The following METTL24 variants were observed in gnomAD, a reference collection of about 807,000 sequenced individuals.
The protein encoded by METTL24 is probable methyltransferase-like protein 24.
METTL24 carries 29 observed loss-of-function variants against 32.7 expected under a neutral mutation model. The ratio of observed to expected loss-of-function variants is 0.89; its 90% CI spans 0.66 to 1.21. The LOEUF is 1.21. Among genes scored for constraint, METTL24 ranks in the 50% most tolerant of loss-of-function variants. The probability of loss-of-function intolerance (pLI) is 0.00; values close to 1 mark genes in which losing one functional copy is unlikely to be tolerated. For missense variants in METTL24, 439 were observed against 468.1 expected (o/e 0.94, Z 0.57); for synonymous variants, 163 against 179.5 (o/e 0.91, Z 0.73).
At chr6:110,314,101 C>T (rs992390793) in intron 3 of METTL24, among the ~76,000 whole-genome samples, 9 of 152,094 alleles carry the variant, frequency 5.9e-5, no homozygotes, top group Middle Eastern at 3.2e-3. Context: ...GCCCCTAACC[C>T]TGACCACCTA....
chr6:110,261,504 C>A (rs1004902742), intron 4 of METTL24, among the ~76,000 whole-genome samples: 3 of 152,134 alleles, frequency 2.0e-5, no homozygotes, highest in East Asian at 1.9e-4. Context: ...TAGACTCCCA[C>A]ACAATAATAA....
At chr6:110,309,684 T>C (rs937358985) in intron 3 of METTL24, among the ~76,000 whole-genome samples, 1 of 152,144 alleles carries the variant, frequency 6.6e-6, no homozygotes, top group Middle Eastern at 3.2e-3. Context: ...AGATCTCTTA[T>C]TCACTGTCAC....
At chr6:110,280,404 G>A (rs79544137) in intron 4 of METTL24, among the ~76,000 whole-genome samples, 2,272 of 152,056 alleles carry the variant, frequency 0.015, 62 homozygotes, top group African/African-American at 0.051. Flanking sequence ...GTATTCAATC[G>A]CATGGGTTTT....
intron 4 of METTL24, among the ~76,000 whole-genome samples, chr6:110,261,145 C>T (rs983990521): frequency 9.9e-5 from 15 of 152,060 alleles, no homozygotes; most frequent in South Asian, 2.1e-4. Context: ...ATGGACTAAA[C>T]GCTCCAATTA....
chr6:110,258,493 T>C (rs1346878480), intron 4 of METTL24, among the ~76,000 whole-genome samples: 1 of 152,094 alleles, frequency 6.6e-6, no homozygotes, highest in African/African-American at 2.4e-5. Context: ...ACTTGGCAGG[T>C]GCTCAAAAAT....
intron 1 of METTL24, among the ~76,000 whole-genome samples, chr6:110,343,612 G>A (rs141024688): frequency 8.5e-4 from 130 of 152,338 alleles, no homozygotes; most frequent in African/African-American, 3.0e-3. Context: ...CTAGAGTCAG[G>A]TAGGGAGTAG....
In METTL24 at chr6:110,249,433, A is replaced by AC. The variant is rs1778232021; in HGVS notation, c.787-3174_787-3173insG. ...TAAGTTGATCTAAATCATGCAGCCC[A>AC]GGGGGAGCACAGAAGCTCTTCTCTG... On this transcript the variant is annotated intron_variant, in intron 4 of 4. Transcript: ENST00000338882. Among the ~76,000 whole-genome samples, 3 of 83,406 alleles carry AC rather than the reference A, an allele frequency of 3.6e-5. No individual in the cohort carries two copies. The African/African-American group carries it at 3.7e-4, about 10-fold the overall frequency. 54.7% of individuals were successfully genotyped at this position (83,406 alleles called of 152,430 possible).
chr6:110,357,251 C>T (rs545674239), intron 1 of METTL24: 1 of 152,288 alleles, frequency 6.6e-6, no homozygotes, highest in African/African-American at 2.4e-5. Flanking sequence ...TAAAAATGGA[C>T]TAATCAGTGA....
intron 1 of METTL24, among the ~76,000 whole-genome samples, chr6:110,338,872 C>T (rs1232990751): frequency 1.3e-5 from 2 of 152,082 alleles, no homozygotes; most frequent in African/African-American, 2.4e-5. Context: ...TTGCAACTAT[C>T]GATATTTGTT....
At chr6:110,273,152 G>A (rs1336716854) in intron 4 of METTL24, among the ~76,000 whole-genome samples, 2 of 152,092 alleles carry the variant, frequency 1.3e-5, no homozygotes, top group Non-Finnish European at 2.9e-5. Flanking sequence ...TAAGGTGAGA[G>A]ATGAGGATCC....
intron 1 of METTL24, among the ~76,000 whole-genome samples, chr6:110,340,470 C>A (rs1772333153): frequency 1.3e-5 from 2 of 152,142 alleles, no homozygotes; most frequent in Admixed American, 1.3e-4. Flanking sequence ...CTCATGCCTC[C>A]CTGCCAGAGT....
chr6:110,279,501 C>A (rs1771102797), intron 4 of METTL24, among the ~76,000 whole-genome samples: 1 of 152,026 alleles, frequency 6.6e-6, no homozygotes, highest in Admixed American at 6.6e-5. Context: ...AAGACTGTAC[C>A]GTTTATGGTA....
chr6:110,296,255 GA>G (rs1771417982), intron 4 of METTL24, among the ~76,000 whole-genome samples: 2 of 152,146 alleles, frequency 1.3e-5, no homozygotes, highest in African/African-American at 4.8e-5. Context: ...AAAGACTTTA[GA>G]AAAAAACTAT....
At chr6:110,328,225 G>A (rs1053832357) in intron 1 of METTL24, among the ~76,000 whole-genome samples, 22 of 151,980 alleles carry the variant, frequency 1.4e-4, no homozygotes, top group Non-Finnish European at 2.9e-4. Context: ...ATTTCTCAGG[G>A]CAGGCGTGGT....
At chr6:110,249,843 A>T (rs1378386710) in intron 4 of METTL24, among the ~76,000 whole-genome samples, 3 of 152,036 alleles carry the variant, frequency 2.0e-5, no homozygotes, top group Non-Finnish European at 2.9e-5. Context: ...TTGGGTAGAA[A>T]GGTCTCAAAG....
intron 1 of METTL24, among the ~76,000 whole-genome samples, chr6:110,356,656 T>C (rs572690228): frequency 6.6e-6 from 1 of 152,162 alleles, no homozygotes. Context: ...CAGCACCAGA[T>C]GCCTACCTGG....
chr6:110,298,900 A>G, intron 4 of METTL24, 22 bp downstream of exon 4: 1 of 1,604,182 alleles, frequency 6.2e-7, no homozygotes. Flanking sequence ...ATTCAAGTAT[A>G]AAATCAAATG....
intron 3 of METTL24, among the ~76,000 whole-genome samples, chr6:110,310,854 C>T (rs76944993): frequency 0.01 from 1,532 of 152,308 alleles, 21 homozygotes; most frequent in African/African-American, 0.034. Context: ...TGTCTTCTGA[C>T]TCCCTGTGTC....
intron 1 of METTL24, chr6:110,332,389 G>T: frequency 2.6e-6 from 1 of 387,934 alleles, no homozygotes; most frequent in Non-Finnish European, 3.5e-6. Flanking sequence ...AGAATAAAAC[G>T]TAATATATTT....
Sources: allele counts gnomAD v4.1 joint callset (sites outside exome capture counted in the v4.1 genomes callset), GRCh38; gene constraint gnomAD v4.1.1; transcripts MANE v1.5; gene names NCBI Gene and HGNC (gene_info 2026-07-23, HGNC 2026-07-21).